RYR3: variants seen among roughly 807,000 people sequenced by gnomAD.
The protein encoded by RYR3 is ryanodine receptor 3.
A neutral mutation model predicts 584.3 loss-of-function variants in RYR3; 207 were observed. The observed-to-expected ratio is 0.35, with a 90% CI of 0.32 to 0.40. The LOEUF is 0.40. RYR3 is among the 10% of genes least tolerant of loss of function. The pLI is 1.00. For missense variants in RYR3, 5,616 were observed against 6,089.2 expected, an observed-to-expected ratio of 0.92 and a Z score of 2.59; for synonymous variants, 2,416 against 2,248.5, an observed-to-expected ratio of 1.07 and a Z score of -2.11.
intron 2 of RYR3, among the ~76,000 whole-genome samples, chr15:33,493,097 A>G (rs758812441): frequency 2.6e-5 from 4 of 151,950 alleles, no homozygotes; most frequent in Non-Finnish European, 5.9e-5. Flanking sequence ...TGAGACAAAA[A>G]CCTGAACATT....
chr15:33,672,703 A>T (rs1379503404), intron 38 of RYR3, among the ~76,000 whole-genome samples: 4 of 152,214 alleles, frequency 2.6e-5, no homozygotes, highest in Non-Finnish European at 5.9e-5. Flanking sequence ...AATTATTGGT[A>T]ATTTTGTTCA....
At chr15:33,745,373 C>T (rs2070590625) in intron 52 of RYR3, among the ~76,000 whole-genome samples, 1 of 152,012 alleles carries the variant, frequency 6.6e-6, no homozygotes, top group African/African-American at 2.4e-5. Flanking sequence ...TAAATTAGAT[C>T]ACCCAGGAAG....
At chr15:33,413,274 C>A (rs949288896) in intron 1 of RYR3, among the ~76,000 whole-genome samples, 1 of 152,168 alleles carries the variant, frequency 6.6e-6, no homozygotes, top group African/African-American at 2.4e-5. Flanking sequence ...TTGTCTTGGG[C>A]AAGAGTTTGT....
chr15:33,654,401 G>C (rs1038332337), intron 32 of RYR3, among the ~76,000 whole-genome samples: 8 of 151,940 alleles, frequency 5.3e-5, no homozygotes, highest in Non-Finnish European at 1.2e-4. Context: ...TGTGGTCCCA[G>C]CTGCTCAGGA....
At chr15:33,445,664 AACAC>A (rs61585713) in intron 1 of RYR3, among the ~76,000 whole-genome samples, 12,011 of 105,846 alleles carry the variant, frequency 0.11, 768 homozygotes, top group East Asian at 0.27. Flanking sequence ...TTCCCCCACC[AACAC>A]ACACACACAC....
In RYR3 at chr15:33,636,473, T is replaced by C. The variant is rs1212941560; in HGVS notation, c.3479T>C (p.Ile1160Thr). ...ATTAACCTGGATGATGCTTCAATGA[T>C]CTTCACACTGAATGGGGAGCTGCTG... ...CMINLDDASM[I>T]FTLNGELLIT... Residue 1160 changes from isoleucine (I) to threonine (T), a missense_variant, in exon 27 of 104, where the codon ATC (isoleucine) becomes ACC (threonine). Physicochemically the swap from Ile to Thr is moderately conservative, Grantham distance 89 (BLOSUM62 -1). Transcript: ENST00000634891. 1.9e-6 allele frequency: 3 copies of C among 1,613,552 alleles called. No individual in the cohort carries two copies. The South Asian group carries it at 3.3e-5, about 18-fold the overall frequency.
At position 33,835,090 on chromosome 15, in the gene RYR3, C is replaced by T. The variant is rs770114183; in HGVS notation, c.11568+18C>T. ...TCTCTCAGGTACTGTGGCCCATTCC[C>T]TGCACGTGTCATTGTTGTGAAATGC... On this transcript the variant is annotated intron_variant, in intron 87 of 103. Transcript: ENST00000634891. 3.9e-6 allele frequency: 6 copies of T among 1,556,766 alleles called. No homozygotes were observed. In the African/African-American group the frequency reaches 4.1e-5, roughly 11 times the overall value.
rs1567174689 is a variant in RYR3 at position 33,789,624 on chromosome 15, TTATATATATATA to T, written c.9830+1190_9830+1201del. Among the ~76,000 whole-genome samples the T allele has an allele frequency of 6.2e-3, 73 of 11,700 alleles. 1 individual carries two copies. The highest frequency in any genetic ancestry group is 8.4e-3 in the African/African-American group (39 of 4,648). The allele number at this position is 11,700 out of a possible 152,430, so 7.7% of individuals were successfully genotyped here. ...TATATGCATGTTACCAGGTTTTATT[TTATATATATATA>T]TATATATATATATATATATATATTT... On this transcript the variant is annotated intron_variant, in intron 67 of 103. Coordinates refer to ENST00000634891, the MANE Select transcript of RYR3 (RefSeq NM_001036.6).
chr15:33,720,928 G>A (rs1203565174), intron 43 of RYR3, among the ~76,000 whole-genome samples: 2 of 151,974 alleles, frequency 1.3e-5, no homozygotes, highest in South Asian at 2.1e-4. Flanking sequence ...ATAAAATGTT[G>A]TATTAAATAG....
At chr15:33,649,887 G>A (rs776580252) in intron 31 of RYR3, among the ~76,000 whole-genome samples, 67 of 152,206 alleles carry the variant, frequency 4.4e-4, no homozygotes, top group Non-Finnish European at 9.1e-4. Flanking sequence ...CCCCACCTAC[G>A]TGAGGTACAG....
chr15:33,427,964 T>G lies in RYR3; in HGVS notation c.52-45455T>G, dbSNP rs556263206. ...CTATCTTGCTGAAGCCTTTCTGAAATCCCTTCTTCTCCCAGAAACGGAGAT... is the reference window on the plus strand; with the variant it reads ...CTATCTTGCTGAAGCCTTTCTGAAAGCCCTTCTTCTCCCAGAAACGGAGAT... On this transcript the variant is annotated intron_variant, in intron 1 of 103. Transcript: ENST00000634891. Among the ~76,000 whole-genome samples the G allele has an allele frequency of 4.6e-5, 7 of 152,310 alleles. No homozygotes were observed. The Middle Eastern group carries it at 0.01, about 222-fold the overall frequency.
At chr15:33,664,589 G>GTGTATATATATA (rs577496539) in intron 36 of RYR3, among the ~76,000 whole-genome samples, 4,822 of 91,168 alleles carry the variant, frequency 0.053, 228 homozygotes, top group East Asian at 0.13. Context: ...GTGTGTGTGT[G>GTGTATATATATA]TATATATATA....
chr15:33,379,467 A>G (rs1419697453), intron 1 of RYR3, among the ~76,000 whole-genome samples: 2 of 152,028 alleles, frequency 1.3e-5, no homozygotes, highest in East Asian at 1.9e-4. Context: ...GCAAAGTTCA[A>G]CTGACTTTGA....
At chr15:33,497,777 T>G (rs550490037) in intron 2 of RYR3, among the ~76,000 whole-genome samples, 1 of 152,296 alleles carries the variant, frequency 6.6e-6, no homozygotes, top group Non-Finnish European at 1.5e-5. Flanking sequence ...AAATTATTGT[T>G]AACCATAGTC....
In RYR3 at chr15:33,785,697, C is replaced by T. The variant is rs202065645; in HGVS notation, c.9304C>T (p.Pro3102Ser). Residue 3102 changes from proline (P) to serine (S), a missense_variant, in exon 66 of 104, where the codon CCT (proline) becomes TCT (serine). By Grantham distance (74) the Pro-to-Ser change is moderately conservative. This residue lies in a region of RYR3 where 954 missense variants were observed against 1,132.2 expected (regional missense o/e 0.84). Transcript: ENST00000634891. ...GMPDTVEDMC[P>S]DIPQLEGLMK... ...GCCAGACACGGTAGAAGACATGTGT[C>T]CTGACATCCCCCAGCTGGAAGGCCT... is the stretch of plus-strand genomic sequence containing the variant. 6.8e-6 allele frequency: 11 copies of T among 1,610,526 alleles called. No individual in the cohort carries two copies. The highest frequency in any genetic ancestry group is 9.3e-6 in the Non-Finnish European group (11 of 1,178,216).
At chr15:33,362,657 T>A (rs1974944471) in intron 1 of RYR3, among the ~76,000 whole-genome samples, 1 of 152,200 alleles carries the variant, frequency 6.6e-6, no homozygotes, top group South Asian at 2.1e-4. Context: ...ACCTATACAG[T>A]GTTTGAATTG....
intron 2 of RYR3, among the ~76,000 whole-genome samples, chr15:33,480,859 C>A (rs886332723): frequency 1.3e-5 from 2 of 152,138 alleles, no homozygotes; most frequent in African/African-American, 4.8e-5. Flanking sequence ...TCAAGATGGT[C>A]AAAAGGGGTG....
intron 2 of RYR3, among the ~76,000 whole-genome samples, chr15:33,486,517 G>A (rs1387697336): frequency 6.6e-6 from 1 of 152,142 alleles, no homozygotes; most frequent in Non-Finnish European, 1.5e-5. Context: ...ACAGGTACAG[G>A]GGGTTAGGAA....
At chr15:33,362,491 C>T (rs551974825) in intron 1 of RYR3, among the ~76,000 whole-genome samples, 27 of 152,278 alleles carry the variant, frequency 1.8e-4, no homozygotes, top group African/African-American at 5.3e-4. Context: ...GGGTATAAAC[C>T]TGCACATTTG....
Sources: gnomAD v4.1 joint callset for allele counts (sites outside exome capture counted in the v4.1 genomes callset) on GRCh38, gnomAD v4.1.1 for gene constraint, gnomAD v4.1.1 regional missense constraint, MANE v1.5 for transcripts, NCBI Gene and HGNC (gene_info 2026-07-23, HGNC 2026-07-21) for gene names.